SIDT1: variants seen among roughly 807,000 people sequenced by gnomAD.
SIDT1 encodes SID1 transmembrane family, member 1.
SIDT1 carries 101 observed loss-of-function variants against 107.5 expected under a neutral mutation model. That is an observed-to-expected ratio of 0.94 (90% CI 0.80 to 1.11). The LOEUF (loss-of-function observed/expected upper bound fraction) is 1.11. SIDT1 is among the 50% of genes least tolerant of loss of function. The pLI is 0.00. For missense variants in SIDT1, 1,076 were observed against 1,058.2 expected, an observed-to-expected ratio of 1.02 and a Z score of -0.23; for synonymous variants, 395 against 398.2, an observed-to-expected ratio of 0.99 and a Z score of 0.10.
intron 1 of SIDT1, among the ~76,000 whole-genome samples, chr3:113,539,401 A>C (rs932438398): frequency 2.6e-5 from 4 of 152,186 alleles, no homozygotes; most frequent in Non-Finnish European, 4.4e-5. Context: ...TCCTTTCCCC[A>C]ACCTGCAACC....
chr3:113,543,243 ATTAG>A (rs945525394), intron 1 of SIDT1, among the ~76,000 whole-genome samples: 6 of 152,118 alleles, frequency 3.9e-5, no homozygotes, highest in African/African-American at 9.6e-5. Flanking sequence ...GCCCAGCCCA[ATTAG>A]TTAGTTTTGA....
intron 15 of SIDT1, among the ~76,000 whole-genome samples, chr3:113,607,335 G>A (rs369116411): frequency 5.3e-5 from 8 of 152,184 alleles, no homozygotes; most frequent in African/African-American, 1.9e-4. Flanking sequence ...TGAGATGAGG[G>A]CAGTGACATT....
In SIDT1 at chr3:113,571,485, T is replaced by TAC. The variant is rs559999721; in HGVS notation, c.515+3775_515+3776insAC. 8.5e-4 allele frequency among the ~76,000 whole-genome samples: 24 copies of TAC among 28,274 alleles called. 1 individual carries two copies. The South Asian group carries it at 0.03, about 36-fold the overall frequency. The allele number at this position is 28,274 out of a possible 152,430, so 18.5% of individuals were successfully genotyped here. A position where few individuals can be genotyped will look rare whatever the true frequency, so the allele number is the denominator to read the frequency against. On this transcript the variant is annotated intron_variant, in intron 3 of 24. Coordinates refer to ENST00000264852, the MANE Select transcript of SIDT1 (RefSeq NM_017699.3). ...TGCTTGGTGCCATCTACCTATCCTC[T>TAC]GCACACACACACACACACACACACA... is the stretch of plus-strand genomic sequence containing the variant.
intron 1 of SIDT1, among the ~76,000 whole-genome samples, chr3:113,549,054 G>T (rs115980250): frequency 3.6e-4 from 55 of 152,158 alleles, no homozygotes; most frequent in African/African-American, 1.3e-3. Flanking sequence ...AAAACATTAA[G>T]GTTCCTCCGT....
intron 1 of SIDT1, among the ~76,000 whole-genome samples, chr3:113,557,517 A>G (rs1361443030): frequency 6.6e-6 from 1 of 152,222 alleles, no homozygotes; most frequent in Non-Finnish European, 1.5e-5. Flanking sequence ...ATGTGAAGAC[A>G]GAGACACACA....
At chr3:113,636,756 A>G in the SIDT1 span, among the ~76,000 whole-genome samples, 1 of 152,254 alleles carries the variant, frequency 6.6e-6, no homozygotes, top group Non-Finnish European at 1.5e-5. Context: ...TCTAGGAAGC[A>G]AATAAGCATC....
intron 1 of SIDT1, among the ~76,000 whole-genome samples, chr3:113,535,481 T>G (rs1335213351): frequency 6.6e-6 from 1 of 152,212 alleles, no homozygotes; most frequent in African/African-American, 2.4e-5. Context: ...AAATTTGGTT[T>G]TTATAAAAAC....
intron 11 of SIDT1, 165 bp from the exon 12 acceptor site, chr3:113,602,840 C>A: frequency 3.5e-6 from 2 of 578,230 alleles, no homozygotes; most frequent in Non-Finnish European, 5.6e-6. Flanking sequence ...AATAAAAGTC[C>A]ATTGAGAAGG....
At chr3:113,547,115 G>A (rs1939679167) in intron 1 of SIDT1, among the ~76,000 whole-genome samples, 1 of 152,070 alleles carries the variant, frequency 6.6e-6, no homozygotes, top group Non-Finnish European at 1.5e-5. Context: ...GATTTTGAAT[G>A]TTCCCAACAC....
At chr3:113,564,851 T>TA (rs1560041920) in intron 1 of SIDT1, among the ~76,000 whole-genome samples, 1 of 152,160 alleles carries the variant, frequency 6.6e-6, no homozygotes, top group East Asian at 1.9e-4. Context: ...TGGAAACATG[T>TA]AGAGTGTAGG....
intron 21 of SIDT1, among the ~76,000 whole-genome samples, chr3:113,620,354 G>T (rs1254955071): frequency 1.3e-5 from 2 of 151,918 alleles, no homozygotes; most frequent in African/African-American, 4.8e-5. Flanking sequence ...GTGTATTTTT[G>T]CTAGCCACCA....
chr3:113,630,525 G>T (rs1029118132), downstream of SIDT1, among the ~76,000 whole-genome samples: 2 of 152,128 alleles, frequency 1.3e-5, no homozygotes, highest in Non-Finnish European at 2.9e-5. Context: ...AGGTTCTGTG[G>T]GGTCACAACA....
At chr3:113,558,776 C>T (rs983739918) in intron 1 of SIDT1, among the ~76,000 whole-genome samples, 3 of 152,192 alleles carry the variant, frequency 2.0e-5, no homozygotes, top group Admixed American at 6.5e-5. Flanking sequence ...GTATCGATGA[C>T]GCTGTGGCAA....
chr3:113,615,185 C>A, intron 19 of SIDT1: 2 of 1,212,064 alleles, frequency 1.7e-6, no homozygotes, highest in Non-Finnish European at 2.3e-6. Context: ...TCAGGCCGGG[C>A]AGACTCCGTG....
intron 1 of SIDT1, 41 bp downstream of exon 1, chr3:113,533,284 C>G (rs1937681074): frequency 7.4e-7 from 1 of 1,356,240 alleles, no homozygotes; most frequent in African/African-American, 1.5e-5. Flanking sequence ...TAGAACTTGC[C>G]AGATCTCAGA....
At chr3:113,587,799 G>C (rs1314329906) in intron 9 of SIDT1, among the ~76,000 whole-genome samples, 2 of 152,176 alleles carry the variant, frequency 1.3e-5, no homozygotes, top group African/African-American at 4.8e-5. Flanking sequence ...AGGCAGTCTG[G>C]ATCCAGAGCC....
chr3:113,586,047 T>C (rs905957907), intron 9 of SIDT1, among the ~76,000 whole-genome samples: 1 of 152,246 alleles, frequency 6.6e-6, no homozygotes, highest in Non-Finnish European at 1.5e-5. Flanking sequence ...TGAGACTGTT[T>C]GCAAAATGAA....
chr3:113,565,898 T>G (rs7613082), intron 1 of SIDT1, among the ~76,000 whole-genome samples: 72,249 of 152,068 alleles, frequency 0.48, 17,840 homozygotes, highest in East Asian at 0.76. Flanking sequence ...GCAATTGAAG[T>G]TCTCATGGGA....
At chr3:113,616,931 G>A (rs892144766) in intron 20 of SIDT1, among the ~76,000 whole-genome samples, 55 of 151,988 alleles carry the variant, frequency 3.6e-4, no homozygotes, top group Non-Finnish European at 7.4e-5. Flanking sequence ...CAGGTGATCC[G>A]CCCACCTTGG....
Sources: allele counts gnomAD v4.1 joint callset (sites outside exome capture counted in the v4.1 genomes callset), GRCh38; gene constraint gnomAD v4.1.1; transcripts MANE v1.5; gene names NCBI Gene and HGNC (gene_info 2026-07-23, HGNC 2026-07-21).